Variants in SIL1 observed in about 807,000 individuals in gnomAD.
SIL1 encodes SIL1 nucleotide exchange factor, also known as nucleotide exchange factor SIL1.
In SIL1, 40 loss-of-function variants were observed where a neutral mutation model predicts 49.1. That is an observed-to-expected ratio of 0.81 (90% CI 0.63 to 1.06). The LOEUF (loss-of-function observed/expected upper bound fraction) is 1.06, where lower values mean the gene tolerates loss of function less well. Among genes scored for constraint, SIL1 ranks in the 50% least tolerant of loss-of-function variants. SIL1 has a pLI of 0.00. For synonymous variants in SIL1, 253 were observed against 250.8 expected, an observed-to-expected ratio of 1.01 and a Z score of -0.08; for missense variants, 500 against 572.6, an observed-to-expected ratio of 0.87 and a Z score of 1.29.
At chr5:139,138,160 C>T (rs1207303427) in intron 1 of SIL1, among the ~76,000 whole-genome samples, 1 of 151,928 alleles carries the variant, frequency 6.6e-6, no homozygotes, top group Non-Finnish European at 1.5e-5. Context: ...CACACACACA[C>T]ACAAACCACA....
rs141578492 is a variant in SIL1, at chr5:139,169,439, GGTGT to G, written c.-11+28826_-11+28829del. On this transcript the variant is annotated intron_variant, in intron 1 of 9. Transcript: ENST00000394817. ...GGCATACAATGAAACAGAAAAGTATGGTGTGTGTGTGTGTATGTGTGTGTGTATA... is the reference window on the plus strand; with the variant it reads ...GGCATACAATGAAACAGAAAAGTATGGTGTGTGTGTATGTGTGTGTGTATA... Among the ~76,000 whole-genome samples, 1,126 of 150,672 alleles carry G rather than the reference GGTGT, an allele frequency of 7.5e-3. 6 individuals are homozygous for G. The highest frequency in any genetic ancestry group is 0.014 in the Middle Eastern group (4 of 286).
At chr5:139,133,191 T>A (rs531913576) in intron 1 of SIL1, 1 of 152,222 alleles carries the variant, frequency 6.6e-6, no homozygotes, top group Non-Finnish European at 1.5e-5. Context: ...ACTATTTCAG[T>A]GTCTCACCGG....
At chr5:138,960,320 T>C (rs1287562121) in intron 7 of SIL1, among the ~76,000 whole-genome samples, 1 of 151,680 alleles carries the variant, frequency 6.6e-6, no homozygotes, top group African/African-American at 2.4e-5. Context: ...GGCACATCAC[T>C]ACAGTGAAGG....
At chr5:138,978,465 C>CT (rs1767440736) in intron 7 of SIL1, among the ~76,000 whole-genome samples, 1 of 152,110 alleles carries the variant, frequency 6.6e-6, no homozygotes, top group Non-Finnish European at 1.5e-5. Flanking sequence ...GTTGTTTCCA[C>CT]TTTTTGGCTG....
At chr5:139,097,746 G>A (rs1770501341) in intron 3 of SIL1, among the ~76,000 whole-genome samples, 1 of 152,012 alleles carries the variant, frequency 6.6e-6, no homozygotes, top group African/African-American at 2.4e-5. Context: ...AAAGTGCTGG[G>A]ATTACAGGAG....
chr5:139,101,313 C>T (rs1242132416), intron 3 of SIL1, among the ~76,000 whole-genome samples: 3 of 152,160 alleles, frequency 2.0e-5, no homozygotes, highest in Non-Finnish European at 2.9e-5. Flanking sequence ...TTATACTCCA[C>T]CTCATCAAAT....
chr5:139,030,522 G>A (rs1768762965), intron 5 of SIL1, among the ~76,000 whole-genome samples: 1 of 149,424 alleles, frequency 6.7e-6, no homozygotes, highest in Non-Finnish European at 1.5e-5. Context: ...GCACACACCT[G>A]TAGTCCCAGC....
chr5:139,082,350 G>T (rs1770099250), intron 3 of SIL1, among the ~76,000 whole-genome samples: 1 of 152,172 alleles, frequency 6.6e-6, no homozygotes. Flanking sequence ...GAGCCAGTGT[G>T]AGGGTATGCT....
intron 6 of SIL1, among the ~76,000 whole-genome samples, chr5:139,023,861 A>C (rs1561832789): frequency 6.6e-6 from 1 of 152,268 alleles, no homozygotes; most frequent in Non-Finnish European, 1.5e-5. Flanking sequence ...CTGATGCACC[A>C]GCCCTTCCAG....
At chr5:138,983,080 C>A (rs1244933458) in intron 7 of SIL1, among the ~76,000 whole-genome samples, 1 of 151,556 alleles carries the variant, frequency 6.6e-6, no homozygotes, top group African/African-American at 2.4e-5. Flanking sequence ...ACCTATTAGT[C>A]CCAGCAACTC....
intron 1 of SIL1, among the ~76,000 whole-genome samples, chr5:139,196,688 C>A (rs1046773835): frequency 6.6e-6 from 1 of 152,176 alleles, no homozygotes; most frequent in African/African-American, 2.4e-5. Context: ...CACATGTATT[C>A]ATGAGCAGAT....
chr5:139,171,631 T>G (rs1751771647), intron 1 of SIL1, among the ~76,000 whole-genome samples: 1 of 148,654 alleles, frequency 6.7e-6, no homozygotes, highest in African/African-American at 2.5e-5. Context: ...CTGCTGACCT[T>G]CCCTCCACTA....
intron 1 of SIL1, among the ~76,000 whole-genome samples, chr5:139,151,062 T>C (rs986157198): frequency 9.2e-5 from 14 of 152,214 alleles, no homozygotes; most frequent in African/African-American, 3.4e-4. Flanking sequence ...TTGAACATTT[T>C]CCAAAATAAA....
At chr5:139,073,998 G>C (rs1769889550) in intron 3 of SIL1, among the ~76,000 whole-genome samples, 1 of 152,150 alleles carries the variant, frequency 6.6e-6, no homozygotes. Context: ...TGATAACTAT[G>C]TGAGGTAATG....
chr5:139,151,971 G>A (rs1028830668), intron 1 of SIL1, among the ~76,000 whole-genome samples: 1 of 152,160 alleles, frequency 6.6e-6, no homozygotes, highest in Non-Finnish European at 1.5e-5. Context: ...ATACAACATT[G>A]TCATAAAAAA....
chr5:139,043,013 G>A (rs1769079633), intron 4 of SIL1, among the ~76,000 whole-genome samples: 1 of 152,120 alleles, frequency 6.6e-6, no homozygotes, highest in Admixed American at 6.5e-5. Context: ...ATAAATAAGA[G>A]GGGAGCATCA....
At chr5:139,051,340 A>G (rs777089576) in intron 3 of SIL1, 3 of 446,968 alleles carry the variant, frequency 6.7e-6, no homozygotes, top group East Asian at 4.8e-5. Flanking sequence ...AAGCTCTTCT[A>G]TGTCTTCTTG....
chr5:139,106,586 G>A (rs946187103), intron 3 of SIL1, among the ~76,000 whole-genome samples: 5 of 152,144 alleles, frequency 3.3e-5, no homozygotes, highest in Admixed American at 1.3e-4. Context: ...ATGGGCTTCT[G>A]AGGGTAAATG....
At chr5:138,966,198 G>T (rs76662313) in intron 7 of SIL1, among the ~76,000 whole-genome samples, 1,683 of 152,192 alleles carry the variant, frequency 0.011, 26 homozygotes, top group African/African-American at 0.038. Flanking sequence ...GTTACTGCTG[G>T]AAATGTCCCA....
Sources: gnomAD v4.1 joint callset for allele counts (sites outside exome capture counted in the v4.1 genomes callset) on GRCh38, gnomAD v4.1.1 for gene constraint, MANE v1.5 for transcripts, NCBI Gene and HGNC (gene_info 2026-07-23, HGNC 2026-07-21) for gene names.